Variants in ADCK1 observed in about 807,000 individuals in gnomAD.
The protein encoded by ADCK1 is aarF domain-containing protein kinase 1.
In ADCK1, 41 loss-of-function variants were observed where a neutral mutation model predicts 52.3. The ratio of observed to expected loss-of-function variants is 0.78; its 90% CI spans 0.61 to 1.02. The LOEUF is 1.02. Among genes scored for constraint, ADCK1 ranks in the 50% least tolerant of loss-of-function variants. The pLI, the probability that ADCK1 is intolerant of heterozygous loss-of-function variation, is 0.00. For missense variants in ADCK1, 658 were observed against 679.5 expected, an observed-to-expected ratio of 0.97 and a Z score of 0.35; for synonymous variants, 250 against 274.6, an observed-to-expected ratio of 0.91 and a Z score of 0.89.
chr14:77,845,231 C>G (rs12897885), intron 3 of ADCK1, among the ~76,000 whole-genome samples: 55,416 of 152,100 alleles, frequency 0.36, 11,248 homozygotes, highest in Admixed American at 0.5. Context: ...GATCCCAGCT[C>G]TGCCACTAAT....
chr14:77,905,220 G>T (rs533496157), intron 6 of ADCK1, among the ~76,000 whole-genome samples: 1 of 151,250 alleles, frequency 6.6e-6, no homozygotes, highest in Admixed American at 6.6e-5. Context: ...GGAAACCGCA[G>T]TACACCCAGG....
intron 3 of ADCK1, among the ~76,000 whole-genome samples, chr14:77,832,271 C>T (rs1285963150): frequency 2.0e-5 from 3 of 152,220 alleles, no homozygotes; most frequent in Admixed American, 6.5e-5. Flanking sequence ...GCGTGAGCCA[C>T]CGCACCTGGC....
At chr14:77,855,042 C>T (rs1342609605) in intron 3 of ADCK1, among the ~76,000 whole-genome samples, 1 of 152,256 alleles carries the variant, frequency 6.6e-6, no homozygotes, top group East Asian at 1.9e-4. Flanking sequence ...CCTGCCTTGA[C>T]CTTTCCTTCG....
At chr14:77,863,208 AAAG>A (rs1004728307) in intron 4 of ADCK1, among the ~76,000 whole-genome samples, 5 of 152,154 alleles carry the variant, frequency 3.3e-5, no homozygotes, top group Non-Finnish European at 7.3e-5. Context: ...GACCTGATCA[AAAG>A]AAGGACGAAG....
intron 7 of ADCK1, among the ~76,000 whole-genome samples, chr14:77,911,405 G>A (rs2083788787): frequency 6.6e-6 from 1 of 152,204 alleles, no homozygotes; most frequent in South Asian, 2.1e-4. Flanking sequence ...AATACCTTGG[G>A]CTGCTGGAAC....
At chr14:77,852,363 C>G (rs1239050090) in intron 3 of ADCK1, among the ~76,000 whole-genome samples, 1 of 151,962 alleles carries the variant, frequency 6.6e-6, no homozygotes, top group African/African-American at 2.4e-5. Context: ...TCTGCAAGAA[C>G]TTTTATACCT....
Position 77,871,506 on chromosome 14 carries a change from C to T in ADCK1, c.423+12227C>T, listed in dbSNP as rs560326593. On this transcript the variant is annotated intron_variant, in intron 4 of 10. Coordinates refer to ENST00000238561, the MANE Select transcript of ADCK1 (RefSeq NM_020421.4). ...CCAAGTAGCTGGGATTACAGTCATG[C>T]GCCACCAAGCCAGGCTAATTTTTGT... Among the ~76,000 whole-genome samples the T allele has an allele frequency of 1.4e-4, 21 of 152,180 alleles. No homozygotes were observed. In the South Asian group the frequency reaches 2.5e-3, roughly 18 times the overall value.
chr14:77,819,450 G>C (rs758431581), intron 2 of ADCK1, among the ~76,000 whole-genome samples: 2 of 152,172 alleles, frequency 1.3e-5, no homozygotes, highest in Non-Finnish European at 2.9e-5. Context: ...GAGGGGCCGT[G>C]CTCTTCAGTA....
rs990659945 is a variant in ADCK1, at chr14:77,856,076, C to T, written c.220-3000C>T. 4.6e-5 allele frequency among the ~76,000 whole-genome samples: 7 copies of T among 151,800 alleles called. No individual in the cohort carries two copies. In the South Asian group the frequency reaches 8.3e-4, roughly 18 times the overall value. On this transcript the variant is annotated intron_variant, in intron 3 of 10. Coordinates refer to ENST00000238561, the MANE Select transcript of ADCK1 (RefSeq NM_020421.4). ...AATACAAAAATTAGCTAGGCGTGGT[C>T]GCGGGCCCCTGTAATCCCAGCTACT...
chr14:77,859,186 G>A lies in ADCK1; in HGVS notation c.330G>A (p.Glu110=), dbSNP rs969980282. ...CTCTGGACTACCTGTTGCCAGAGGA[G>A]TACACCAGCACGCTGAAGGTACTGC... is the stretch of plus-strand genomic sequence containing the variant. The part of the protein sequence containing the change: ...LGALDYLLPE[E]YTSTLKVLHS... The change falls in exon 4 of 11, where the codon GAG becomes GAA. Residue 110 remains glutamate, a synonymous_variant. Coordinates refer to ENST00000238561, the MANE Select transcript of ADCK1 (RefSeq NM_020421.4). 1.2e-6 allele frequency: 2 copies of A among 1,614,056 alleles called. No individual in the cohort carries two copies. The highest frequency in any genetic ancestry group is 1.7e-6 in the Non-Finnish European group (2 of 1,180,018).
intron 4 of ADCK1, among the ~76,000 whole-genome samples, chr14:77,862,410 G>T (rs971222934): frequency 6.6e-6 from 1 of 152,182 alleles, no homozygotes; most frequent in African/African-American, 2.4e-5. Context: ...TGCAAGTCAG[G>T]GATGGTTGTA....
chr14:77,816,427 G>GA (rs60377713), intron 1 of ADCK1, among the ~76,000 whole-genome samples: 80,964 of 151,616 alleles, frequency 0.53, 23,174 homozygotes, highest in Middle Eastern at 0.66. Context: ...CTTTCTGATT[G>GA]TGGATCTTAA....
At chr14:77,851,371 C>T (rs1231638978) in intron 3 of ADCK1, among the ~76,000 whole-genome samples, 13 of 152,114 alleles carry the variant, frequency 8.5e-5, no homozygotes, top group Non-Finnish European at 8.8e-5. Context: ...CCACTTTGGC[C>T]TCCCAAAGTG....
intron 3 of ADCK1, among the ~76,000 whole-genome samples, chr14:77,835,033 G>T (rs2081932860): frequency 6.6e-6 from 1 of 152,134 alleles, no homozygotes; most frequent in African/African-American, 2.4e-5. Context: ...GGGTGCTTCG[G>T]AGCTGTTTCC....
chr14:77,883,066 C>T (rs2083067563), intron 4 of ADCK1, among the ~76,000 whole-genome samples: 1 of 149,614 alleles, frequency 6.7e-6, no homozygotes, highest in African/African-American at 2.5e-5. Context: ...GCCAGAGAAA[C>T]TCTTTTTCTG....
chr14:77,864,708 TAG>T (rs148669104), intron 4 of ADCK1, among the ~76,000 whole-genome samples: 26 of 148,376 alleles, frequency 1.8e-4, no homozygotes, highest in Non-Finnish European at 1.8e-4. Context: ...TATTTAGAGC[TAG>T]AGAGAGAGAG....
intron 1 of ADCK1, among the ~76,000 whole-genome samples, chr14:77,810,413 C>A (rs933854137): frequency 6.6e-6 from 1 of 152,136 alleles, no homozygotes; most frequent in African/African-American, 2.4e-5. Context: ...CCACGCCTGG[C>A]CAGTTAATTC....
Position 77,821,382 on chromosome 14 carries a change from A to G in ADCK1, c.136-1053A>G, listed in dbSNP as rs1200092230. Among the ~76,000 whole-genome samples the G allele has an allele frequency of 2.0e-5, 3 of 152,164 alleles. 1 individual carries two copies. The highest frequency in any genetic ancestry group is 7.2e-5 in the African/African-American group (3 of 41,452). ...GTTGGTGTCCAGCAAGCATATGTCG[A>G]ATAGGATAAAGCTTTGTAGAGTGCA... is the stretch of plus-strand genomic sequence containing the variant. On this transcript the variant is annotated intron_variant, in intron 2 of 10. Coordinates refer to ENST00000238561, the MANE Select transcript of ADCK1 (RefSeq NM_020421.4).
chr14:77,864,657 G>A (rs1389718806), intron 4 of ADCK1, among the ~76,000 whole-genome samples: 19 of 149,736 alleles, frequency 1.3e-4, no homozygotes, highest in African/African-American at 4.8e-4. Flanking sequence ...GTGTGTGTGT[G>A]TGTATGTGTG....
Sources: allele counts gnomAD v4.1 joint callset (sites outside exome capture counted in the v4.1 genomes callset), GRCh38; gene constraint gnomAD v4.1.1; transcripts MANE v1.5; gene names NCBI Gene and HGNC (gene_info 2026-07-23, HGNC 2026-07-21).